The following EIF2B2 variants were observed in gnomAD, a reference collection of about 807,000 sequenced individuals.
The protein encoded by EIF2B2 is translation initiation factor eIF2B subunit beta.
A neutral mutation model predicts 34.7 loss-of-function variants in EIF2B2; 34 were observed. That is an observed-to-expected ratio of 0.98 (90% confidence interval 0.75 to 1.31). EIF2B2 has a LOEUF of 1.31. Among genes scored for constraint, EIF2B2 ranks in the 50% most tolerant of loss-of-function variants. The pLI is 0.00. For synonymous variants in EIF2B2, 155 were observed against 171.6 expected, an observed-to-expected ratio of 0.90 and a Z score of 0.76; for missense variants, 361 against 447.7, an observed-to-expected ratio of 0.81 and a Z score of 1.75.
rs1374929192 is a variant in EIF2B2 at position 75,011,544 on chromosome 14, GAT to G, written c.*2359_*2360del. ...TCTGAGGGAAAGGTCTCTATTCTTT[GAT>G]ATCTCTTTGAGAGCGATCTTTGCCT... On this transcript the variant is annotated 3_prime_UTR_variant, in exon 8 of 8. Coordinates refer to ENST00000266126, the MANE Select transcript of EIF2B2 (RefSeq NM_014239.4). 2 of 152,154 alleles carry G rather than the reference GAT, an allele frequency of 1.3e-5. No homozygotes were observed. The highest frequency in any genetic ancestry group is 2.9e-5 in the Non-Finnish European group (2 of 68,048). 9.4% of individuals were successfully genotyped at this position (152,154 alleles called of 1,614,324 possible).
rs768701906 is a variant in EIF2B2 at position 75,004,720 on chromosome 14, C to CTTTTTTTTTTTT, written c.434-17_434-16insTTTTTTTTTTTT. On this transcript the variant is annotated splice_polypyrimidine_tract_variant and intron_variant, in intron 3 of 7. Coordinates refer to ENST00000266126, the MANE Select transcript of EIF2B2 (RefSeq NM_014239.4). ...TTTTTTTTTTTTTTTTTTTTTTTTGCAAAACCGTTCTTACAGAAGGGACAA... is the reference window on the plus strand; with the variant it reads ...TTTTTTTTTTTTTTTTTTTTTTTTGCTTTTTTTTTTTTAAAACCGTTCTTACAGAAGGGACAA... The CTTTTTTTTTTTT allele has an allele frequency of 5.7e-6, 3 of 530,196 alleles. No individual in the cohort carries two copies. Among genetic ancestry groups the CTTTTTTTTTTTT allele is most frequent in the African/African-American group, 1.5e-4 (2 of 13,014 alleles). 32.8% of individuals were successfully genotyped at this position (530,196 alleles called of 1,614,324 possible).
chr14:75,007,113 C>A (rs772895138), intron 6 of EIF2B2: 19 of 464,820 alleles, frequency 4.1e-5, no homozygotes, highest in Non-Finnish European at 7.3e-5. Context: ...AGAGCCATTT[C>A]ATCAGTGATA....
At chr14:75,007,633 C>A in intron 6 of EIF2B2, 89 bp from the exon 7 acceptor site, 1 of 1,138,036 alleles carries the variant, frequency 8.8e-7, no homozygotes, top group Non-Finnish European at 1.3e-6. Context: ...TATAAGTTTT[C>A]TGTGTGGACA....
At chr14:75,007,874 G>A (rs1381206629) in intron 7 of EIF2B2, 86 bp downstream of exon 7, 3 of 1,350,598 alleles carry the variant, frequency 2.2e-6, no homozygotes, top group Non-Finnish European at 3.1e-6. Context: ...TTGTTGTTTT[G>A]TTGGTCAGTA....
In EIF2B2 at chr14:75,004,825, A is replaced by G; in HGVS notation, c.522A>G (p.Val174=). Residue 174 remains valine (V), a synonymous_variant, in exon 4 of 8, where the codon GTA becomes GTG. Coordinates refer to ENST00000266126, the MANE Select transcript of EIF2B2 (RefSeq NM_014239.4). Reference sequence around the variant, plus strand: ...TGACCATTGGCTTCTCCCGAACAGTAGAGGCCTTCCTCAAAGAGGCTGCCC... The same window carrying G: ...TGACCATTGGCTTCTCCCGAACAGTGGAGGCCTTCCTCAAAGAGGCTGCCC... The part of the protein sequence containing the change: ...VIMTIGFSRT[V]EAFLKEAARK... 6.2e-7 allele frequency: 1 copy of G among 1,612,248 alleles called. No individual in the cohort carries two copies. The highest frequency in any genetic ancestry group is 8.5e-7 in the Non-Finnish European group (1 of 1,179,544).
chr14:75,007,466 TTCA>T (rs1308811891), intron 6 of EIF2B2: 3 of 399,138 alleles, frequency 7.5e-6, no homozygotes, highest in Non-Finnish European at 1.4e-5. Context: ...GTTTTCAAAG[TTCA>T]TCCATGTTGT....
In EIF2B2 at chr14:75,009,616, T is replaced by A. The variant is rs1410908401; in HGVS notation, c.*428T>A. 1 of 278,468 alleles carries A rather than the reference T, an allele frequency of 3.6e-6. No homozygotes were observed. Among genetic ancestry groups the A allele is most frequent in the African/African-American group, 2.2e-5 (1 of 45,194 alleles). 17.2% of individuals were successfully genotyped at this position (278,468 alleles called of 1,614,324 possible). A position where few individuals can be genotyped will look rare whatever the true frequency, so the allele number is the denominator to read the frequency against. ...ATAGTTGGTTTATTTATTGTCCTACTCTGACAGAACTGCTTGAAACAGCAG... is the reference window on the plus strand; with the variant it reads ...ATAGTTGGTTTATTTATTGTCCTACACTGACAGAACTGCTTGAAACAGCAG... On this transcript the variant is annotated 3_prime_UTR_variant, in exon 8 of 8. Transcript: ENST00000266126.
rs1889628774 is a variant in EIF2B2, at chr14:75,006,570, C to T, written c.694-7C>T. Reference sequence around the variant, plus strand: ...GGATGGCTCACATTTTTTGTCTTGTCCCAAAGGTGATCATTGGCACGAAGA... The same window carrying T: ...GGATGGCTCACATTTTTTGTCTTGTTCCAAAGGTGATCATTGGCACGAAGA... On this transcript the variant is annotated splice_region_variant and splice_polypyrimidine_tract_variant and intron_variant, in intron 5 of 7. Coordinates refer to ENST00000266126, the MANE Select transcript of EIF2B2 (RefSeq NM_014239.4). This position sits in a 1 kb window ranked among gnomAD's most constrained non-coding sequence, Gnocchi z 4.1. The T allele has an allele frequency of 6.2e-7, 1 of 1,613,736 alleles. No individual in the cohort carries two copies.
intron 4 of EIF2B2, among the ~76,000 whole-genome samples, chr14:75,005,376 C>CAA (rs533192742): frequency 1.1e-4 from 12 of 113,902 alleles, no homozygotes; most frequent in East Asian, 2.6e-4. Flanking sequence ...GACTCTGTCT[C>CAA]AAAAAAAAAA....
At chr14:75,007,812 G>A (rs369592873) in intron 7 of EIF2B2, 24 bp downstream of exon 7, 36 of 1,610,442 alleles carry the variant, frequency 2.2e-5, no homozygotes, top group African/African-American at 2.7e-5. Flanking sequence ...GTGTGCATGC[G>A]TGCATGTGTT....
chr14:75,006,640 A>C lies in EIF2B2; in HGVS notation c.757A>C (p.Thr253Pro), dbSNP rs773887336. ...CCTGAGAGCTGTGACAGGAACTCAC[A>C]CTCTGGCACTGGCAGCAAAACACCA... Reference protein sequence around the residue: ...GALRAVTGTHTLALAAKHHST... With the variant: ...GALRAVTGTHPLALAAKHHST... Residue 253 changes from threonine (T) to proline (P), a missense_variant, in exon 6 of 8, where the codon ACT (threonine) becomes CCT (proline). Thr to Pro is a conservative substitution (Grantham distance 38, BLOSUM62 -1). Transcript: ENST00000266126. The surrounding 1 kb of genome is among the most constrained non-coding windows in gnomAD (Gnocchi z 4.1). 6 of 1,614,090 alleles carry C rather than the reference A, an allele frequency of 3.7e-6. No individual in the cohort carries two copies. Among genetic ancestry groups the C allele is most frequent in the Non-Finnish European group, 5.1e-6 (6 of 1,180,018 alleles).
chr14:75,003,288 G>A lies in EIF2B2; in HGVS notation c.177G>A (p.Glu59=). The A allele has an allele frequency of 6.2e-7, 1 of 1,613,818 alleles. No individual in the cohort carries two copies. Among genetic ancestry groups the A allele is most frequent in the Non-Finnish European group, 8.5e-7 (1 of 1,179,998 alleles). The change falls in exon 2 of 8, where the codon GAG becomes GAA. Residue 59 remains glutamate (E), a synonymous_variant. Transcript: ENST00000266126. ...TTTGGACTGTAGGGGAGCTGATGGA[G>A]CTGATCCGCAGAGAGGGCAGGAGGA... ...HRWSNAGELM[E]LIRREGRRMT... is the part of the protein sequence containing the mutation.
At chr14:75,004,081 A>C (rs1324637408) in intron 3 of EIF2B2, among the ~76,000 whole-genome samples, 1 of 152,188 alleles carries the variant, frequency 6.6e-6, no homozygotes, top group Non-Finnish European at 1.5e-5. Context: ...TTGCGGTCCA[A>C]GTGACTTGCA....
At position 75,006,799 on chromosome 14, in the gene EIF2B2, C is replaced by T. The variant is rs545748147; in HGVS notation, c.831+85C>T. ...TTGAACTCTGGGACTTCAACCACCTCACTCCAGGGCCTCCATTTATCTGCA... is the reference window on the plus strand; with the variant it reads ...TTGAACTCTGGGACTTCAACCACCTTACTCCAGGGCCTCCATTTATCTGCA... On this transcript the variant is annotated intron_variant, in intron 6 of 7. Coordinates refer to ENST00000266126, the MANE Select transcript of EIF2B2 (RefSeq NM_014239.4). The surrounding 1 kb of genome is among the most constrained non-coding windows in gnomAD (Gnocchi z 4.1). 1.9e-6 allele frequency: 3 copies of T among 1,562,548 alleles called. No homozygotes were observed. Among genetic ancestry groups the T allele is most frequent in the Non-Finnish European group, 1.8e-6 (2 of 1,139,848 alleles).
chr14:75,007,382 A>G (rs964558073), intron 6 of EIF2B2: 5 of 345,662 alleles, frequency 1.4e-5, no homozygotes, highest in Admixed American at 8.5e-5. Flanking sequence ...GTCTCTATGG[A>G]TTTGCCCATT....
At chr14:75,004,683 ATATATATTTTTTTT>A (rs1889593965) in intron 3 of EIF2B2, 40 bp from the exon 4 acceptor site, 2 of 146,588 alleles carry the variant, frequency 1.4e-5, no homozygotes, top group African/African-American at 4.0e-4. Flanking sequence ...ATATATATAT[ATATATATTTTTTTT>A]TTTTTTTTTT....
At position 75,009,260 on chromosome 14, in the gene EIF2B2, G is replaced by A. The variant is rs1889671074; in HGVS notation, c.*72G>A. The A allele has an allele frequency of 2.5e-6, 4 of 1,582,388 alleles. No homozygotes were observed. The South Asian group carries it at 3.3e-5, about 13-fold the overall frequency. On this transcript the variant is annotated 3_prime_UTR_variant, in exon 8 of 8. Coordinates refer to ENST00000266126, the MANE Select transcript of EIF2B2 (RefSeq NM_014239.4). ...AAGAGGAGACTTGAGTGTTGCTGCT[G>A]AAGCACATCCTTGCAATGTGGGAGT...
chr14:75,008,437 C>T (rs1330537711), intron 7 of EIF2B2: 1 of 189,338 alleles, frequency 5.3e-6, no homozygotes, highest in Admixed American at 5.3e-5. Flanking sequence ...ATGTATCCAG[C>T]ACTCTTCTAG....
Position 75,004,920 on chromosome 14 carries a change from T to C in EIF2B2, c.597+20T>C, listed in dbSNP as rs764725120. On this transcript the variant is annotated intron_variant, in intron 4 of 7. Transcript: ENST00000266126. ...TGCCAGGTAAGGAGACTGCTGGAGT[T>C]GCTACTAAGAAAAATGAAAAATGAA... The C allele has an allele frequency of 1.9e-6, 3 of 1,608,764 alleles. No homozygotes were observed. The highest frequency in any genetic ancestry group is 3.3e-5 in the Admixed American group (2 of 59,870).
Sources: allele counts gnomAD v4.1 joint callset (sites outside exome capture counted in the v4.1 genomes callset), GRCh38; gene constraint gnomAD v4.1.1; non-coding constraint Gnocchi (gnomAD v3.1); transcripts MANE v1.5; gene names NCBI Gene and HGNC (gene_info 2026-07-23, HGNC 2026-07-21).